NDST4: variants seen among roughly 807,000 people sequenced by gnomAD.
NDST4 encodes N-heparan sulfate sulfotransferase 4.
A neutral mutation model predicts 100.8 loss-of-function variants in NDST4; 63 were observed. The ratio of observed to expected loss-of-function variants is 0.62; its 90% CI spans 0.51 to 0.77. The LOEUF is 0.77. NDST4 is among the 30% of genes least tolerant of loss of function. The pLI, the probability that NDST4 is intolerant of heterozygous loss-of-function variation, is 0.00. For missense variants in NDST4, 943 were observed against 1,018.4 expected, an observed-to-expected ratio of 0.93 and a Z score of 1.01; for synonymous variants, 377 against 361.8, an observed-to-expected ratio of 1.04 and a Z score of -0.48.
At chr4:115,074,911 C>G (rs1729148492) in intron 2 of NDST4, among the ~76,000 whole-genome samples, 1 of 152,056 alleles carries the variant, frequency 6.6e-6, no homozygotes, top group Non-Finnish European at 1.5e-5. Context: ...ATTATTTGCA[C>G]ACAAAATAAA....
intron 6 of NDST4, among the ~76,000 whole-genome samples, chr4:114,932,288 A>C (rs575126740): frequency 5.3e-4 from 81 of 152,152 alleles, no homozygotes; most frequent in African/African-American, 1.8e-3. Flanking sequence ...GCATGTAACA[A>C]AATTCAACAT....
chr4:114,921,006 G>A (rs1470465603), intron 6 of NDST4, among the ~76,000 whole-genome samples: 2 of 152,160 alleles, frequency 1.3e-5, no homozygotes, highest in African/African-American at 4.8e-5. Context: ...ACCAAACACA[G>A]AGGTTGCCAT....
intron 7 of NDST4, among the ~76,000 whole-genome samples, chr4:114,868,670 G>C (rs1201717789): frequency 6.6e-6 from 1 of 151,704 alleles, no homozygotes; most frequent in Non-Finnish European, 1.5e-5. Context: ...TAAAATTTCA[G>C]TGAAAAGTAA....
intron 6 of NDST4, among the ~76,000 whole-genome samples, chr4:114,882,362 A>G (rs1319216295): frequency 6.6e-6 from 1 of 152,068 alleles, no homozygotes; most frequent in Non-Finnish European, 1.5e-5. Flanking sequence ...ATACTTCTGC[A>G]ATAGGATATG....
At chr4:114,926,579 A>T (rs1386127012) in intron 6 of NDST4, among the ~76,000 whole-genome samples, 3 of 152,086 alleles carry the variant, frequency 2.0e-5, no homozygotes, top group Non-Finnish European at 4.4e-5. Flanking sequence ...GAAAATGCAG[A>T]AAGAAAAAAT....
At chr4:114,988,467 T>A (rs139999632) in intron 2 of NDST4, among the ~76,000 whole-genome samples, 4,008 of 145,598 alleles carry the variant, frequency 0.028, 118 homozygotes, top group African/African-American at 0.069. Context: ...GTTCATGCCA[T>A]CCTCCTGCCT....
intron 2 of NDST4, among the ~76,000 whole-genome samples, chr4:115,019,240 T>C (rs1415936025): frequency 6.6e-6 from 1 of 152,084 alleles, no homozygotes; most frequent in Non-Finnish European, 1.5e-5. Flanking sequence ...GCTTCTTTAG[T>C]GTCCCCCCAA....
At chr4:115,011,381 T>G (rs938028962) in intron 2 of NDST4, among the ~76,000 whole-genome samples, 3 of 151,980 alleles carry the variant, frequency 2.0e-5, no homozygotes, top group African/African-American at 7.2e-5. Flanking sequence ...TCAAGCGTAT[T>G]TCTTAACCTT....
chr4:115,023,947 C>A (rs1432454022), intron 2 of NDST4, among the ~76,000 whole-genome samples: 1 of 148,920 alleles, frequency 6.7e-6, no homozygotes, highest in African/African-American at 2.6e-5. Context: ...TGCAATGCTT[C>A]TTGACCAGCC....
chr4:114,959,096 T>C (rs1223976906), intron 4 of NDST4, among the ~76,000 whole-genome samples: 1 of 152,160 alleles, frequency 6.6e-6, no homozygotes, highest in South Asian at 2.1e-4. Context: ...GTTTGTAACA[T>C]GTTCCTCATT....
intron 2 of NDST4, among the ~76,000 whole-genome samples, chr4:115,001,360 T>C (rs1291215692): frequency 2.0e-5 from 3 of 152,042 alleles, no homozygotes; most frequent in Non-Finnish European, 4.4e-5. Context: ...AGACAGAATG[T>C]TAGAGTTGAT....
At chr4:114,836,482 T>G (rs184205558) in intron 11 of NDST4, among the ~76,000 whole-genome samples, 230 of 152,332 alleles carry the variant, frequency 1.5e-3, no homozygotes, top group African/African-American at 5.4e-3. Context: ...TCTGCAGAGA[T>G]CTGCTGTTAG....
intron 2 of NDST4, among the ~76,000 whole-genome samples, chr4:115,052,372 T>C (rs1728600473): frequency 6.6e-6 from 1 of 152,168 alleles, no homozygotes. Context: ...TTCATCCTTG[T>C]AGTTTGTCAG....
intron 6 of NDST4, among the ~76,000 whole-genome samples, chr4:114,906,102 T>A (rs1370964819): frequency 6.6e-6 from 1 of 151,704 alleles, no homozygotes; most frequent in Non-Finnish European, 1.5e-5. Context: ...TTTCTATGAG[T>A]CATAACATAA....
intron 2 of NDST4, among the ~76,000 whole-genome samples, chr4:115,044,725 A>G (rs949499491): frequency 1.3e-5 from 2 of 151,470 alleles, no homozygotes; most frequent in East Asian, 1.9e-4. Context: ...AAACATTTAG[A>G]CCACCAAGAA....
At chr4:114,957,374 A>G (rs115703842) in intron 4 of NDST4, among the ~76,000 whole-genome samples, 2,649 of 152,254 alleles carry the variant, frequency 0.017, 86 homozygotes, top group African/African-American at 0.061. Flanking sequence ...TTATTAAATC[A>G]TCAGATCTCA....
At position 115,093,307 on chromosome 4, in the gene NDST4, C is replaced by T. The variant is rs559014245; in HGVS notation, c.-246-16025G>A. On this transcript the variant is annotated intron_variant, in intron 1 of 13. Transcript: ENST00000264363. ...TGGCTAACACGGTGAAACCCCATCTCTACTAAAAATACAAAAAGTTAGCTG... is the reference window on the plus strand; with the variant it reads ...TGGCTAACACGGTGAAACCCCATCTTTACTAAAAATACAAAAAGTTAGCTG... Among the ~76,000 whole-genome samples the T allele has an allele frequency of 8.5e-5, 13 of 152,062 alleles. No homozygotes were observed. In the South Asian group the frequency reaches 1.7e-3, roughly 19 times the overall value.
rs1338468208 is a variant in NDST4 at position 115,076,803 on chromosome 4, A to G, written c.234T>C (p.Pro78=). ...VKPIDTSKTD[P]TVLLFVESQY... ...GGCTCTCCACGAAGAGAAGGACAGT[A>G]GGGTCCGTTTTGGATGTGTCAATAG... The change falls in exon 2 of 14, where the codon CCT becomes CCC. Residue 78 remains proline (P), a synonymous_variant. Transcript: ENST00000264363. 3 of 1,613,990 alleles carry G rather than the reference A, an allele frequency of 1.9e-6. No individual in the cohort carries two copies. The East Asian group carries it at 6.7e-5, about 36-fold the overall frequency.
chr4:114,950,703 T>C (rs905560411), intron 4 of NDST4, among the ~76,000 whole-genome samples: 13 of 152,098 alleles, frequency 8.5e-5, no homozygotes, highest in African/African-American at 3.1e-4. Flanking sequence ...CTCTTTCTGC[T>C]ACTGCTCCCT....
Sources: allele counts gnomAD v4.1 joint callset (sites outside exome capture counted in the v4.1 genomes callset), GRCh38; gene constraint gnomAD v4.1.1; transcripts MANE v1.5; gene names NCBI Gene and HGNC (gene_info 2026-07-23, HGNC 2026-07-21).